The following LINGO2 variants were observed in gnomAD, a reference collection of about 807,000 sequenced individuals.
LINGO2 encodes the protein leucine-rich repeat and immunoglobulin-like domain-containing nogo receptor-interacting protein 2.
In LINGO2, 14 loss-of-function variants were observed where a neutral mutation model predicts 30.6. The observed-to-expected ratio is 0.46, with a 90% CI of 0.30 to 0.72. The LOEUF (loss-of-function observed/expected upper bound fraction) is 0.72, where lower values mean the gene tolerates loss of function less well. Ranked by LOEUF, LINGO2 falls within the 30% of genes least tolerant of loss-of-function variation. The pLI, the probability that LINGO2 is intolerant of heterozygous loss-of-function variation, is 0.07. For synonymous variants in LINGO2, 317 were observed against 288.5 expected (o/e 1.10, Z -1.00); for missense variants, 729 against 751.7 (o/e 0.97, Z 0.35).
intron 3 of LINGO2, among the ~76,000 whole-genome samples, chr9:28,319,449 A>T (rs1824959581): frequency 6.6e-6 from 1 of 152,190 alleles, no homozygotes; most frequent in Admixed American, 6.5e-5. Context: ...TATCTACAAA[A>T]TTGCTTTTAT....
the LINGO2 span, among the ~76,000 whole-genome samples, chr9:28,867,077 C>T: frequency 7.9e-5 from 12 of 151,980 alleles, no homozygotes; most frequent in Admixed American, 7.9e-4. Context: ...CTGCTGGTGA[C>T]AGGAAGTAAA....
the LINGO2 span, among the ~76,000 whole-genome samples, chr9:28,973,200 C>T: frequency 2.6e-5 from 4 of 152,174 alleles, no homozygotes; most frequent in African/African-American, 9.6e-5. Context: ...ACACCAAGCA[C>T]ATTTAAACCA....
At chr9:27,970,338 A>T (rs1820295923) in intron 5 of LINGO2, among the ~76,000 whole-genome samples, 1 of 152,012 alleles carries the variant, frequency 6.6e-6, no homozygotes, top group Non-Finnish European at 1.5e-5. Flanking sequence ...TGTTATAAAT[A>T]CTCTTGTCTC....
chr9:29,154,020 C>G, the LINGO2 span, among the ~76,000 whole-genome samples: 1 of 152,226 alleles, frequency 6.6e-6, no homozygotes, highest in Admixed American at 6.5e-5. Flanking sequence ...TATAAGAGCC[C>G]ATGACAAACA....
At chr9:28,053,250 GGA>G (rs1472823350) in intron 4 of LINGO2, among the ~76,000 whole-genome samples, 4 of 152,010 alleles carry the variant, frequency 2.6e-5, no homozygotes, top group African/African-American at 4.8e-5. Flanking sequence ...TACATGACAA[GGA>G]GAGAGAGGGG....
the LINGO2 span, among the ~76,000 whole-genome samples, chr9:29,195,000 G>A: frequency 1.3e-5 from 2 of 152,132 alleles, no homozygotes; most frequent in Admixed American, 6.6e-5. Context: ...ACACTTCAAG[G>A]AATGTTTGTG....
the LINGO2 span, among the ~76,000 whole-genome samples, chr9:29,108,882 T>A: frequency 6.6e-6 from 1 of 152,200 alleles, no homozygotes; most frequent in Non-Finnish European, 1.5e-5. Flanking sequence ...AAAGTCTGTT[T>A]ATGAAATAAA....
At chr9:29,077,482 G>A in the LINGO2 span, among the ~76,000 whole-genome samples, 817 of 152,034 alleles carry the variant, frequency 5.4e-3, 7 homozygotes, top group African/African-American at 0.019. Context: ...GTTATTTGTG[G>A]AATTATTCTC....
At chr9:28,295,537 G>A (rs1210257276) in intron 3 of LINGO2, among the ~76,000 whole-genome samples, 171 bp from the exon 6 acceptor site, 1 of 152,142 alleles carries the variant, frequency 6.6e-6, no homozygotes, top group Non-Finnish European at 1.5e-5. Context: ...TGAAGTTTAT[G>A]TGCTACAAAA....
intron 3 of LINGO2, among the ~76,000 whole-genome samples, chr9:28,367,109 A>ATATATATAACTATAATATAT (rs1564153661): frequency 7.4e-6 from 1 of 135,326 alleles, no homozygotes; most frequent in African/African-American, 2.8e-5. Context: ...GTTAAATCAA[A>ATATATATAACTATAATATAT]AGTCAGCACA....
chr9:28,067,632 G>A (rs961068108), intron 4 of LINGO2, among the ~76,000 whole-genome samples: 8 of 152,016 alleles, frequency 5.3e-5, no homozygotes, highest in Non-Finnish European at 1.0e-4. Flanking sequence ...CACTCTCAAT[G>A]AATTTTAGAA....
intron 4 of LINGO2, among the ~76,000 whole-genome samples, chr9:28,290,740 C>T (rs1440918668): frequency 2.0e-5 from 3 of 152,122 alleles, no homozygotes; most frequent in African/African-American, 7.2e-5. Context: ...TAGTGAGTTT[C>T]AGTTCTTTGA....
intron 4 of LINGO2, among the ~76,000 whole-genome samples, chr9:28,192,174 C>G (rs984959573): frequency 2.0e-5 from 3 of 151,992 alleles, no homozygotes; most frequent in Admixed American, 6.6e-5. Context: ...ACCTAAGATA[C>G]CTGCATCATC....
intron 4 of LINGO2, among the ~76,000 whole-genome samples, chr9:28,248,506 G>T (rs79396907): frequency 6.6e-6 from 1 of 151,986 alleles, no homozygotes; most frequent in South Asian, 2.1e-4. Flanking sequence ...GATTGTTGAC[G>T]GGCACAAAAC....
At chr9:28,294,502 G>A (rs1247613469) in intron 4 of LINGO2, among the ~76,000 whole-genome samples, 3 of 152,144 alleles carry the variant, frequency 2.0e-5, no homozygotes, top group African/African-American at 7.2e-5. Flanking sequence ...GGTAATTATG[G>A]ACAACATATT....
the LINGO2 span, among the ~76,000 whole-genome samples, chr9:28,784,946 C>CAA: frequency 1.4e-4 from 13 of 89,880 alleles, 1 homozygote; most frequent in South Asian, 2.2e-3. Flanking sequence ...GACTCTGTCT[C>CAA]AAAAAAAAAA....
chr9:28,831,284 G>A, the LINGO2 span, among the ~76,000 whole-genome samples: 1,303 of 152,134 alleles, frequency 8.6e-3, 12 homozygotes, highest in African/African-American at 0.023. Flanking sequence ...AAAATTAAAC[G>A]TACAAAGACT....
chr9:28,856,109 G>T, the LINGO2 span, among the ~76,000 whole-genome samples: 1 of 151,868 alleles, frequency 6.6e-6, no homozygotes, highest in African/African-American at 2.4e-5. Context: ...CCAAATTACA[G>T]TTGCTTCAAC....
rs116982044 is a variant in LINGO2 at position 28,176,928 on chromosome 9, T to C, written c.-87+118280A>G. The stretch of plus-strand genomic sequence containing the variant: ...TTCCTGACAACTTCCTATACGAACA[T>C]GACTTAAGGTATGGCTTTGATGTCA... On this transcript the variant is annotated intron_variant, in intron 4 of 5. Coordinates refer to ENST00000379992, the Ensembl canonical transcript of LINGO2. Among the ~76,000 whole-genome samples, 580 of 152,296 alleles carry C rather than the reference T, an allele frequency of 3.8e-3. 4 individuals carry two copies. Among genetic ancestry groups the C allele is most frequent in the Admixed American group, 0.011 (166 of 15,292 alleles).
Sources: allele counts gnomAD v4.1 joint callset (sites outside exome capture counted in the v4.1 genomes callset), GRCh38; gene constraint gnomAD v4.1.1; transcripts MANE v1.5; gene names NCBI Gene and HGNC (gene_info 2026-07-23, HGNC 2026-07-21).